Variants in GRIA3 observed in about 807,000 individuals in gnomAD.
GRIA3 encodes glutamate ionotropic receptor AMPA type subunit 3, also known as glutamate receptor 3.
A neutral mutation model predicts 63.0 loss-of-function variants in GRIA3; 3 were observed. That is an observed-to-expected ratio of 0.05 (90% confidence interval 0.02 to 0.12). The LOEUF is 0.12. Among genes scored for constraint, GRIA3 ranks in the 10% least tolerant of loss-of-function variants. The probability of loss-of-function intolerance (pLI) is 1.00; values close to 1 mark genes in which losing one functional copy is unlikely to be tolerated. For synonymous variants in GRIA3, 274 were observed against 257.9 expected (o/e 1.06, Z -0.60); for missense variants, 347 against 700.9 (o/e 0.50, Z 5.70).
At chrX:123,234,228 C>T (rs1197034697) in intron 2 of GRIA3, among the ~76,000 whole-genome samples, 1 of 110,976 alleles carries the variant, frequency 9.0e-6, no homozygotes, top group African/African-American at 3.3e-5. Flanking sequence ...ACAAACTGGC[C>T]CTATGACTCT....
At position 123,392,377 on chromosome X, in the gene GRIA3, G is replaced by A. The variant is rs188966376; in HGVS notation, c.751-2591G>A. On this transcript the variant is annotated intron_variant, in intron 5 of 15. Coordinates refer to ENST00000620443, the MANE Select transcript of GRIA3 (RefSeq NM_007325.5). The stretch of plus-strand genomic sequence containing the variant: ...GGATGTGGAAATGCAGGGGCTGTTG[G>A]GCCCCTGGTCAGGATGTAGTCTGAT... Among the ~76,000 whole-genome samples, 489 of 111,469 alleles carry A rather than the reference G, an allele frequency of 4.4e-3. 3 individuals carry two copies. Among genetic ancestry groups the A allele is most frequent in the African/African-American group, 0.015 (468 of 30,638 alleles).
At chrX:123,391,621 C>T (rs1469148882) in intron 5 of GRIA3, among the ~76,000 whole-genome samples, 3 of 111,709 alleles carry the variant, frequency 2.7e-5, no homozygotes, top group African/African-American at 6.5e-5. Context: ...CAGGCTGATT[C>T]TTGGGCCCTC....
chrX:123,486,811 A>C (rs1326980338), intron 15 of GRIA3, among the ~76,000 whole-genome samples: 1 of 112,045 alleles, frequency 8.9e-6, no homozygotes, highest in East Asian at 2.8e-4. Flanking sequence ...GGGCACCGAC[A>C]TCAAGAGGTA....
chrX:123,379,979 T>C (rs2147368471), intron 5 of GRIA3, among the ~76,000 whole-genome samples: 1 of 110,445 alleles, frequency 9.1e-6, no homozygotes, highest in Non-Finnish European at 1.9e-5. Flanking sequence ...GAACTCATCC[T>C]TTTTTATGGC....
chrX:123,306,289 G>A (rs1037778900), intron 3 of GRIA3, among the ~76,000 whole-genome samples: 2 of 111,561 alleles, frequency 1.8e-5, no homozygotes, highest in African/African-American at 3.3e-5. Flanking sequence ...GATATTACAC[G>A]TGCAAACACA....
At chrX:123,251,010 G>C (rs1013841412) in intron 2 of GRIA3, among the ~76,000 whole-genome samples, 5 of 111,606 alleles carry the variant, frequency 4.5e-5, no homozygotes, top group African/African-American at 1.6e-4. Context: ...TGGCTCCTCT[G>C]CTTAATAGCT....
At chrX:123,425,137 C>T (rs1271279015) in intron 11 of GRIA3, among the ~76,000 whole-genome samples, 1 of 111,636 alleles carries the variant, frequency 9.0e-6, no homozygotes, top group African/African-American at 3.3e-5. Flanking sequence ...CTATATTTCT[C>T]AGTGTTTGGA....
intron 2 of GRIA3, among the ~76,000 whole-genome samples, chrX:123,222,422 A>G (rs1003273335): frequency 2.7e-5 from 3 of 112,401 alleles, no homozygotes; most frequent in Non-Finnish European, 5.6e-5. Flanking sequence ...GATGAAGGTA[A>G]TAGTTGGCTT....
chrX:123,373,328 G>A (rs1401923515), intron 5 of GRIA3, among the ~76,000 whole-genome samples: 1 of 111,688 alleles, frequency 9.0e-6, no homozygotes, highest in African/African-American at 3.3e-5. Context: ...ATAAACATAT[G>A]TGTGCATGTG....
chrX:123,423,001 T>C (rs2045570915), intron 11 of GRIA3, among the ~76,000 whole-genome samples: 2 of 112,292 alleles, frequency 1.8e-5, no homozygotes, highest in South Asian at 7.4e-4. Flanking sequence ...TAATACGAAA[T>C]TTATTTCCTT....
Position 123,426,336 on chromosome X carries a change from A to G in GRIA3, c.1878-1605A>G, listed in dbSNP as rs148121287. Among the ~76,000 whole-genome samples the G allele has an allele frequency of 2.5e-3, 284 of 111,942 alleles. 1 individual carries two copies. The highest frequency in any genetic ancestry group is 8.6e-3 in the African/African-American group (267 of 30,870). On this transcript the variant is annotated intron_variant, in intron 11 of 15. Transcript: ENST00000620443. The stretch of plus-strand genomic sequence containing the variant: ...GCCATTACCCATCACTGAGCATTCA[A>G]TTCCCTCACACTGTCCAATAACTTC...
intron 12 of GRIA3, among the ~76,000 whole-genome samples, chrX:123,449,795 T>A (rs2045721159): frequency 8.9e-6 from 1 of 112,036 alleles, no homozygotes; most frequent in Non-Finnish European, 1.9e-5. Context: ...ACTTTAATTC[T>A]AATCTGTGCC....
chrX:123,483,470 CA>C (rs1258657799), intron 15 of GRIA3, among the ~76,000 whole-genome samples: 1 of 112,065 alleles, frequency 8.9e-6, no homozygotes, highest in Non-Finnish European at 1.9e-5. Flanking sequence ...AAAAGAATGA[CA>C]AATTTTACAT....
chrX:123,455,169 C>G (rs2045754593), intron 12 of GRIA3, among the ~76,000 whole-genome samples: 1 of 111,969 alleles, frequency 8.9e-6, no homozygotes, highest in African/African-American at 3.2e-5. Context: ...TCATAACACA[C>G]AAGTAGAAAA....
intron 13 of GRIA3, among the ~76,000 whole-genome samples, chrX:123,479,481 A>T (rs893832341): frequency 1.8e-5 from 2 of 112,489 alleles, no homozygotes; most frequent in Non-Finnish European, 3.7e-5. Flanking sequence ...TACGTGGTAC[A>T]GTTCTTTCTG....
intron 4 of GRIA3, among the ~76,000 whole-genome samples, chrX:123,332,029 A>C (rs2044944665): frequency 8.9e-6 from 1 of 111,929 alleles, no homozygotes; most frequent in Non-Finnish European, 1.9e-5. Context: ...TTATTTGAGA[A>C]CTATTGCTGA....
At chrX:123,484,527 C>T (rs1013963884) in intron 15 of GRIA3, among the ~76,000 whole-genome samples, 1 of 111,908 alleles carries the variant, frequency 8.9e-6, no homozygotes, top group Non-Finnish European at 1.9e-5. Flanking sequence ...ATCGCCCAGG[C>T]TGGAGTGCAG....
At chrX:123,338,838 C>A (rs780175416) in intron 4 of GRIA3, among the ~76,000 whole-genome samples, 126 of 112,371 alleles carry the variant, frequency 1.1e-3, no homozygotes, top group Middle Eastern at 4.7e-3. Context: ...GCGTGAGCCA[C>A]CATGCCTGGC....
chrX:123,379,620 GTTTTTT>G (rs369507360), intron 5 of GRIA3, among the ~76,000 whole-genome samples: 1 of 68,015 alleles, frequency 1.5e-5, no homozygotes, highest in Non-Finnish European at 2.7e-5. Flanking sequence ...CTAGCAACTT[GTTTTTT>G]TTTTTTTTTT....
Sources: allele counts gnomAD v4.1 joint callset (sites outside exome capture counted in the v4.1 genomes callset), GRCh38; gene constraint gnomAD v4.1.1; transcripts MANE v1.5; gene names NCBI Gene and HGNC (gene_info 2026-07-23, HGNC 2026-07-21).